ST6GALNAC2: variants seen among roughly 807,000 people sequenced by gnomAD.
ST6GALNAC2 encodes alpha-N-acetylgalactosaminide alpha-2,6-sialyltransferase 2.
In ST6GALNAC2, 42 loss-of-function variants were observed where a neutral mutation model predicts 38.7. The ratio of observed to expected loss-of-function variants is 1.09; its 90% CI spans 0.85 to 1.40. ST6GALNAC2 has a LOEUF of 1.40. ST6GALNAC2 is among the 40% of genes most tolerant of loss of function. The pLI, the probability that ST6GALNAC2 is intolerant of heterozygous loss-of-function variation, is 0.00. For missense variants in ST6GALNAC2, 506 were observed against 481.7 expected (o/e 1.05, Z -0.47); for synonymous variants, 233 against 209.0 (o/e 1.11, Z -0.99).
chr17:76,568,315 G>A (rs2075309341), intron 7 of ST6GALNAC2: 1 of 233,040 alleles, frequency 4.3e-6, no homozygotes, highest in South Asian at 6.7e-5. Context: ...TGGCAGGAGG[G>A]AGGGAAGGGG....
intron 1 of ST6GALNAC2, among the ~76,000 whole-genome samples, chr17:76,581,609 C>T (rs2075476379): frequency 6.6e-6 from 1 of 152,144 alleles, no homozygotes; most frequent in Non-Finnish European, 1.5e-5. Flanking sequence ...AACTACCCAC[C>T]CTCAGGGAGG....
At chr17:76,572,263 TG>T (rs902062304) in intron 5 of ST6GALNAC2, among the ~76,000 whole-genome samples, 3 of 151,928 alleles carry the variant, frequency 2.0e-5, no homozygotes, top group African/African-American at 4.8e-5. Flanking sequence ...GCTCTCGAGG[TG>T]GGGGGTACTC....
In ST6GALNAC2 at chr17:76,566,221, G is replaced by A; in HGVS notation, c.1008C>T (p.His336=). 6.2e-7 allele frequency: 1 copy of A among 1,614,168 alleles called. No individual in the cohort carries two copies. Among genetic ancestry groups the A allele is most frequent in the Non-Finnish European group, 8.5e-7 (1 of 1,180,050 alleles). The change falls in exon 9 of 9, where the codon CAC becomes CAT. Residue 336 remains histidine, a synonymous_variant. Transcript: ENST00000225276. ...ATGGCTTCATTTTTCGTTCGAAATA[G>A]TGGTCGGAAAATTTCCAGTAGTTGC... ...ITSNYWKFSD[H]YFERKMKPLI... is the part of the protein sequence containing the mutation.
At position 76,574,521 on chromosome 17, in the gene ST6GALNAC2, G is replaced by C; in HGVS notation, c.205C>G (p.Leu69Val). Residue 69 changes from leucine (L) to valine (V), a missense_variant, in exon 3 of 9, where the codon CTG (leucine) becomes GTG (valine). Physicochemically the swap from Leu to Val is conservative, Grantham distance 32. Coordinates refer to ENST00000225276, the MANE Select transcript of ST6GALNAC2 (RefSeq NM_006456.3). ...TGCCGCTGAATGGCCAGGTGAAGCA[G>C]GTGTCGGCAGGCCTGGCCCTGTGGG... ...WTGKGQACRH[L>V]LHLAIQRHPH... The C allele has an allele frequency of 6.2e-7, 1 of 1,613,262 alleles. No individual in the cohort carries two copies. The highest frequency in any genetic ancestry group is 8.5e-7 in the Non-Finnish European group (1 of 1,179,786).
At chr17:76,567,929 G>A (rs1032553078) in intron 7 of ST6GALNAC2, 12 of 264,926 alleles carry the variant, frequency 4.5e-5, no homozygotes, top group Admixed American at 9.8e-5. Flanking sequence ...CCCTGTGACC[G>A]GACCCACACA....
intron 1 of ST6GALNAC2, among the ~76,000 whole-genome samples, chr17:76,582,879 C>A (rs953025852): frequency 2.6e-5 from 4 of 152,186 alleles, no homozygotes. Flanking sequence ...TCCTGACCTG[C>A]CCCGCATTGG....
intron 1 of ST6GALNAC2, among the ~76,000 whole-genome samples, chr17:76,580,228 G>A (rs570450456): frequency 6.6e-6 from 1 of 152,312 alleles, no homozygotes; most frequent in African/African-American, 2.4e-5. Flanking sequence ...AGACCAACCT[G>A]GCCAACATGG....
intron 1 of ST6GALNAC2, among the ~76,000 whole-genome samples, chr17:76,582,633 C>A (rs1345099382): frequency 6.6e-6 from 1 of 152,222 alleles, no homozygotes; most frequent in African/African-American, 2.4e-5. Flanking sequence ...CCAGATTCTG[C>A]CATGAGGAAA....
chr17:76,579,004 C>T (rs1016367149), intron 1 of ST6GALNAC2, 188 bp from the exon 2 acceptor site: 24 of 409,296 alleles, frequency 5.9e-5, no homozygotes, highest in Middle Eastern at 6.8e-4. Flanking sequence ...ACTGCAACCT[C>T]TGCCTCCTGG....
chr17:76,581,710 C>T (rs1259549034), intron 1 of ST6GALNAC2, among the ~76,000 whole-genome samples: 1 of 152,144 alleles, frequency 6.6e-6, no homozygotes, highest in Non-Finnish European at 1.5e-5. Flanking sequence ...CTCAGGAATC[C>T]AAGTGCCTGG....
At position 76,566,068 on chromosome 17, in the gene ST6GALNAC2, A is replaced by C. The variant is rs2075276610; in HGVS notation, c.*36T>G. 6.3e-7 allele frequency: 1 copy of C among 1,589,096 alleles called. No individual in the cohort carries two copies. Among genetic ancestry groups the C allele is most frequent in the Non-Finnish European group, 8.6e-7 (1 of 1,167,728 alleles). ...GGCCACTTGAGAGGATCAGGGCCGCAACTCTTGAAGAAGCAAAGGGCTCAG... is the reference window on the plus strand; with the variant it reads ...GGCCACTTGAGAGGATCAGGGCCGCCACTCTTGAAGAAGCAAAGGGCTCAG... On this transcript the variant is annotated 3_prime_UTR_variant, in exon 9 of 9. Transcript: ENST00000225276.
Position 76,573,397 on chromosome 17 carries a change from G to C in ST6GALNAC2, c.362-34C>G. ...GCAGATGGGGAGCAGCCATGAGGAG[G>C]GCTGGCATCGGGGGCACCTGGGGCC... On this transcript the variant is annotated intron_variant, in intron 3 of 8. Transcript: ENST00000225276. This position sits in a 1 kb window ranked among gnomAD's most constrained non-coding sequence, Gnocchi z 5.1. 2 of 1,479,954 alleles carry C rather than the reference G, an allele frequency of 1.4e-6. No homozygotes were observed. The highest frequency in any genetic ancestry group is 1.8e-6 in the Non-Finnish European group (2 of 1,112,388). 91.7% of individuals were successfully genotyped at this position (1,479,954 alleles called of 1,614,324 possible).
rs1441068376 is a variant in ST6GALNAC2, at chr17:76,572,718, G to C, written c.588C>G (p.Phe196Leu). Reference sequence around the variant, plus strand: ...TCATCGTGTTCACAGTGAAACCATAGAAGGAAGTCTTGGTGCCCACATCGC... The same window carrying C: ...TCATCGTGTTCACAGTGAAACCATACAAGGAAGTCTTGGTGCCCACATCGC... ...FERDVGTKTS[F>L]YGFTVNTMKN... Residue 196 changes from phenylalanine to leucine, a missense_variant, in exon 5 of 9, where the codon TTC becomes TTG. Coordinates refer to ENST00000225276, the MANE Select transcript of ST6GALNAC2 (RefSeq NM_006456.3). 2 of 1,614,088 alleles carry C rather than the reference G, an allele frequency of 1.2e-6. No individual in the cohort carries two copies. Among genetic ancestry groups the C allele is most frequent in the African/African-American group, 2.7e-5 (2 of 74,952 alleles).
In ST6GALNAC2 at chr17:76,573,163, T is replaced by TCCCCCCCC; in HGVS notation, c.530+31_530+32insGGGGGGGG. 5.9e-6 allele frequency: 5 copies of TCCCCCCCC among 850,386 alleles called. No homozygotes were observed. The highest frequency in any genetic ancestry group is 1.7e-5 in the African/African-American group (1 of 57,296). The allele number at this position is 850,386 out of a possible 1,614,324, so 52.7% of individuals were successfully genotyped here. A position where few individuals can be genotyped will look rare whatever the true frequency, so the allele number is the denominator to read the frequency against. ...CCCCCACCCTCCAGGCAACTCTCCC[T>TCCCCCCCC]CCCGCCCCTCCCCAGCTCCTACCCC... On this transcript the variant is annotated intron_variant, in intron 4 of 8. Transcript: ENST00000225276. This position sits in a 1 kb window ranked among gnomAD's most constrained non-coding sequence, Gnocchi z 5.1.
At position 76,574,368 on chromosome 17, in the gene ST6GALNAC2, G is replaced by T. The variant is rs1321524643; in HGVS notation, c.358C>A (p.Gln120Lys). 6.2e-7 allele frequency: 1 copy of T among 1,612,204 alleles called. No individual in the cohort carries two copies. Among genetic ancestry groups the T allele is most frequent in the Non-Finnish European group, 8.5e-7 (1 of 1,179,100 alleles). ...APYGWRGLSH[Q>K]VIASTLSLLN... is the part of the protein sequence containing the mutation. ...AGAGACAGCGGGCGCGGGTTACCTTGGTGAGAGAGCCCCCGCCAGCCATAC... is the reference window on the plus strand; with the variant it reads ...AGAGACAGCGGGCGCGGGTTACCTTTGTGAGAGAGCCCCCGCCAGCCATAC... The change falls in exon 3 of 9, where the codon CAA (glutamine) becomes AAA (lysine). Residue 120 changes from glutamine (Q) to lysine (K), a missense_variant. Physicochemically the swap from Gln to Lys is moderately conservative, Grantham distance 53. Coordinates refer to ENST00000225276, the MANE Select transcript of ST6GALNAC2 (RefSeq NM_006456.3).
rs774954247 is a variant in ST6GALNAC2, at chr17:76,567,478, A to T, written c.932T>A (p.Leu311Gln). Residue 311 changes from leucine (L) to glutamine (Q), a missense_variant, in exon 8 of 9, where the codon CTG (leucine) becomes CAG (glutamine). Leu to Gln is a moderately radical substitution (Grantham distance 113). Transcript: ENST00000225276. ...CTGGTCACAGGTATGCAAAGCTGTC[A>T]GCAGCATGAGAGCCCCGGTACTAGG... is the stretch of plus-strand genomic sequence containing the variant. Reference protein sequence around the residue: ...YMPSTGALMLLTALHTCDQVS... With the variant: ...YMPSTGALMLQTALHTCDQVS... 7 of 1,613,848 alleles carry T rather than the reference A, an allele frequency of 4.3e-6. No individual in the cohort carries two copies. The highest frequency in any genetic ancestry group is 5.9e-6 in the Non-Finnish European group (7 of 1,179,922).
At chr17:76,572,613 T>C in intron 5 of ST6GALNAC2, 24 bp downstream of exon 5, 2 of 1,613,516 alleles carry the variant, frequency 1.2e-6, no homozygotes, top group Admixed American at 1.7e-5. Context: ...TCAACCACAA[T>C]GGCATGCCCG....
In ST6GALNAC2 at chr17:76,568,733, G is replaced by A. The variant is rs200922773; in HGVS notation, c.837C>T (p.Phe279=). 76 of 1,613,662 alleles carry A rather than the reference G, an allele frequency of 4.7e-5. No homozygotes were observed. Among genetic ancestry groups the A allele is most frequent in the Middle Eastern group, 1.6e-4 (1 of 6,080 alleles). Residue 279 remains phenylalanine, a synonymous_variant, in exon 7 of 9, where the codon TTC becomes TTT. Coordinates refer to ENST00000225276, the MANE Select transcript of ST6GALNAC2 (RefSeq NM_006456.3). ...CGTACCTTTCTGTCAGGTAGCTGAT[G>A]AAGTCCGGATGTAGCAGCTTGAATT... ...ASKFKLLHPD[F]ISYLTERFLK...
Position 76,573,162 on chromosome 17 carries a change from C to A in ST6GALNAC2, c.530+33G>T. 33 of 1,560,996 alleles carry A rather than the reference C, an allele frequency of 2.1e-5. No homozygotes were observed. The highest frequency in any genetic ancestry group is 2.5e-5 in the Non-Finnish European group (29 of 1,145,158). ...ACCCCCACCCTCCAGGCAACTCTCC[C>A]TCCCGCCCCTCCCCAGCTCCTACCC... On this transcript the variant is annotated intron_variant, in intron 4 of 8. Coordinates refer to ENST00000225276, the MANE Select transcript of ST6GALNAC2 (RefSeq NM_006456.3). The surrounding 1 kb of genome is among the most constrained non-coding windows in gnomAD (Gnocchi z 5.1).
Sources: allele counts gnomAD v4.1 joint callset (sites outside exome capture counted in the v4.1 genomes callset), GRCh38; gene constraint gnomAD v4.1.1; non-coding constraint Gnocchi (gnomAD v3.1); transcripts MANE v1.5; gene names NCBI Gene and HGNC (gene_info 2026-07-23, HGNC 2026-07-21).